Variants in CARMIL3 observed in about 807,000 individuals in gnomAD.
The protein encoded by CARMIL3 is capping protein regulator and myosin 1 linker 3.
A neutral mutation model predicts 180.8 loss-of-function variants in CARMIL3; 88 were observed. The ratio of observed to expected loss-of-function variants is 0.49; its 90% CI spans 0.41 to 0.58. The LOEUF (loss-of-function observed/expected upper bound fraction) is 0.58, where lower values mean the gene tolerates loss of function less well. CARMIL3 is among the 20% of genes least tolerant of loss of function. CARMIL3 has a pLI of 0.00. For missense variants in CARMIL3, 1,548 were observed against 1,787.0 expected, an observed-to-expected ratio of 0.87 and a Z score of 2.41; for synonymous variants, 696 against 714.5, an observed-to-expected ratio of 0.97 and a Z score of 0.41.
rs1393621703 is a variant in CARMIL3 at position 24,054,512 on chromosome 14, G to A, written c.362+1G>A. ...TGTCCAAGGTCTGCCCTGGCCCTGG[G>A]TGAGTGGCAAATAAGGGGTCTCTTA... On this transcript the variant is annotated splice_donor_variant, in intron 5 of 39. Coordinates refer to ENST00000342740, the MANE Select transcript of CARMIL3 (RefSeq NM_138360.4). LOFTEE classifies it high-confidence loss of function. The surrounding 1 kb of genome is among the most constrained non-coding windows in gnomAD (Gnocchi z 5.1). The A allele has an allele frequency of 1.2e-6, 2 of 1,608,392 alleles. No individual in the cohort carries two copies. Among genetic ancestry groups the A allele is most frequent in the Non-Finnish European group, 1.7e-6 (2 of 1,179,474 alleles).
At chr14:24,064,610 G>A (rs1337342430) in intron 32 of CARMIL3, among the ~76,000 whole-genome samples, 1 of 152,054 alleles carries the variant, frequency 6.6e-6, no homozygotes, top group Non-Finnish European at 1.5e-5. Flanking sequence ...GAGGGAGGTG[G>A]GGGGCAGCCC....
intron 36 of CARMIL3, 33 bp from the exon 37 acceptor site, chr14:24,068,551 T>G (rs775366396): frequency 6.4e-7 from 1 of 1,561,592 alleles, no homozygotes; most frequent in Non-Finnish European, 8.7e-7. Context: ...AAGAATGCCT[T>G]TTCCTGCAGC....
rs1398481155 is a variant in CARMIL3, at chr14:24,057,826, C to T, written c.1164C>T (p.Gly388=). The T allele has an allele frequency of 1.2e-6, 2 of 1,611,078 alleles. No homozygotes were observed. Among genetic ancestry groups the T allele is most frequent in the Middle Eastern group, 1.7e-4 (1 of 5,730 alleles). The part of the protein sequence containing the change: ...IDLLLGALLH[G]CCSHLTYLNL... ...AGCTTCTCGGTGCCCTGCTCCACGG[C>T]TGCTGCTCCCACCTCACCTACCTCA... Residue 388 remains glycine, a synonymous_variant, in exon 15 of 40, where the codon GGC becomes GGT. Coordinates refer to ENST00000342740, the MANE Select transcript of CARMIL3 (RefSeq NM_138360.4).
chr14:24,059,472 G>A lies in CARMIL3; in HGVS notation c.1799+30G>A. 1 of 1,551,334 alleles carries A rather than the reference G, an allele frequency of 6.4e-7. No individual in the cohort carries two copies. On this transcript the variant is annotated intron_variant, in intron 21 of 39. Transcript: ENST00000342740. This position sits in a 1 kb window ranked among gnomAD's most constrained non-coding sequence, Gnocchi z 6.3. ...GGCCCACACCGGGACCCCCTGACCT[G>A]GAGCCCCAGCCCCTCCCCATATGTA... is the stretch of plus-strand genomic sequence containing the variant.
In CARMIL3 at chr14:24,058,814, G is replaced by A. The variant is rs1315567323; in HGVS notation, c.1474+53G>A. On this transcript the variant is annotated intron_variant, in intron 18 of 39. Coordinates refer to ENST00000342740, the MANE Select transcript of CARMIL3 (RefSeq NM_138360.4). The surrounding 1 kb of genome is among the most constrained non-coding windows in gnomAD (Gnocchi z 6.4). Reference sequence around the variant, plus strand: ...GGCCAGGGGAGAACAGGGGCCTGGAGCATGCAGAAGCAGCCCTGATGGGAC... The same window carrying A: ...GGCCAGGGGAGAACAGGGGCCTGGAACATGCAGAAGCAGCCCTGATGGGAC... The A allele has an allele frequency of 3.1e-6, 5 of 1,612,384 alleles. No homozygotes were observed. The highest frequency in any genetic ancestry group is 3.4e-6 in the Non-Finnish European group (4 of 1,178,518).
At chr14:24,064,937 A>G in intron 32 of CARMIL3, 21 bp from the exon 33 acceptor site, 1 of 1,605,286 alleles carries the variant, frequency 6.2e-7, no homozygotes, top group Non-Finnish European at 8.5e-7. Context: ...TTTGTTGCTA[A>G]CTTACCCCGA....
intron 36 of CARMIL3, among the ~76,000 whole-genome samples, chr14:24,067,870 C>G (rs2035803274): frequency 6.6e-6 from 1 of 152,270 alleles, no homozygotes; most frequent in Non-Finnish European, 1.5e-5. Flanking sequence ...CCATCTAAAT[C>G]AGACTTTCAG....
At position 24,053,704 on chromosome 14, in the gene CARMIL3, C is replaced by A. The variant is rs75299776; in HGVS notation, c.41-5C>A. The A allele has an allele frequency of 3.7e-6, 6 of 1,605,844 alleles. No individual in the cohort carries two copies. Among genetic ancestry groups the A allele is most frequent in the Non-Finnish European group, 4.3e-6 (5 of 1,175,508 alleles). On this transcript the variant is annotated splice_region_variant and splice_polypyrimidine_tract_variant and intron_variant, in intron 1 of 39. Transcript: ENST00000342740. ...AGCTCTGAGCAGGCTCCCACCCCCC[C>A]TCAGACAGCATCCGGAGGTGCCTGA...
In CARMIL3 at chr14:24,059,389, G is replaced by A; in HGVS notation, c.1746G>A (p.Glu582=). The part of the protein sequence containing the change: ...AKVDLSGNGM[E]DIGAKMLSKA... The stretch of plus-strand genomic sequence containing the variant: ...TGGATCTGAGCGGCAATGGCATGGA[G>A]GACATCGGGGCCAAGATGCTGTCTA... Residue 582 remains glutamate, a synonymous_variant, in exon 21 of 40, where the codon GAG becomes GAA. Coordinates refer to ENST00000342740, the MANE Select transcript of CARMIL3 (RefSeq NM_138360.4). The surrounding 1 kb of genome is among the most constrained non-coding windows in gnomAD (Gnocchi z 6.3). The A allele has an allele frequency of 6.2e-7, 1 of 1,609,122 alleles. No individual in the cohort carries two copies. Among genetic ancestry groups the A allele is most frequent in the Non-Finnish European group, 8.5e-7 (1 of 1,177,792 alleles).
At chr14:24,065,780 G>A in intron 34 of CARMIL3, 30 bp downstream of exon 34, 1 of 1,611,230 alleles carries the variant, frequency 6.2e-7, no homozygotes, top group Non-Finnish European at 8.5e-7. Context: ...ACAAACTGTG[G>A]GTCCTGAGGG....
At chr14:24,060,495 A>T (rs574739906) in intron 24 of CARMIL3, 133 bp from the exon 25 acceptor site, 17 of 1,374,708 alleles carry the variant, frequency 1.2e-5, no homozygotes, top group Non-Finnish European at 1.6e-5. Flanking sequence ...GGCTGTAGCA[A>T]TGGGGACCAG....
chr14:24,065,853 A>G, intron 34 of CARMIL3, 103 bp downstream of exon 34: 1 of 1,486,226 alleles, frequency 6.7e-7, no homozygotes, highest in South Asian at 1.3e-5. Context: ...GAGAAAGCAG[A>G]TGCTTTGGCA....
Position 24,054,818 on chromosome 14 carries a change from G to C in CARMIL3, c.460+10G>C. 1 of 1,611,490 alleles carries C rather than the reference G, an allele frequency of 6.2e-7. No homozygotes were observed. Among genetic ancestry groups the C allele is most frequent in the South Asian group, 1.1e-5 (1 of 90,916 alleles). On this transcript the variant is annotated intron_variant, in intron 6 of 39. Transcript: ENST00000342740. The surrounding 1 kb of genome is among the most constrained non-coding windows in gnomAD (Gnocchi z 5.1). ...ACCCACAGTGTCTGCGGTGAGCAGG[G>C]GCAGATGTGAGGAAAGTAGGCGCTC... is the stretch of plus-strand genomic sequence containing the variant.
chr14:24,069,500 T>A lies in CARMIL3; in HGVS notation c.*96T>A. 2 of 1,529,798 alleles carry A rather than the reference T, an allele frequency of 1.3e-6. No individual in the cohort carries two copies. Among genetic ancestry groups the A allele is most frequent in the Non-Finnish European group, 1.8e-6 (2 of 1,116,184 alleles). 94.8% of individuals were successfully genotyped at this position (1,529,798 alleles called of 1,614,324 possible). On this transcript the variant is annotated 3_prime_UTR_variant, in exon 40 of 40. Transcript: ENST00000342740. ...GTCCCCAGGGCCCCCTGCCAGCCCC[T>A]GTCCTACAGGGGCAAGACGGCAGGA...
At chr14:24,055,348 C>T in intron 8 of CARMIL3, 38 bp downstream of exon 8, 1 of 1,608,510 alleles carries the variant, frequency 6.2e-7, no homozygotes, top group South Asian at 1.1e-5. Flanking sequence ...CTCAAATTCC[C>T]AAATTCAGCC....
At chr14:24,053,620 C>T (rs7160909) in intron 1 of CARMIL3, 89 bp from the exon 2 acceptor site, 22,830 of 938,234 alleles carry the variant, frequency 0.024, 1,056 homozygotes, top group African/African-American at 0.17. Flanking sequence ...TCCCATTTGA[C>T]CCTGACCCTG....
Position 24,062,775 on chromosome 14 carries a change from C to T in CARMIL3, c.2635C>T (p.Leu879=). 1 of 1,613,902 alleles carries T rather than the reference C, an allele frequency of 6.2e-7. No individual in the cohort carries two copies. The highest frequency in any genetic ancestry group is 8.5e-7 in the Non-Finnish European group (1 of 1,179,890). The part of the protein sequence containing the change: ...PPGCPGQGQD[L]SSRGRGRNHD... ...AGGGTGCCCAGGCCAAGGGCAGGAT[C>T]TGTCCTCCCGGGGCCGAGGCCGGAA... Residue 879 remains leucine (L), a synonymous_variant, in exon 29 of 40, where the codon CTG becomes TTG. Transcript: ENST00000342740.
intron 36 of CARMIL3, among the ~76,000 whole-genome samples, chr14:24,066,916 G>C (rs904513440): frequency 6.6e-6 from 1 of 152,246 alleles, no homozygotes; most frequent in Non-Finnish European, 1.5e-5. Flanking sequence ...TGGCTCTGGC[G>C]AATTCTCCAG....
intron 2 of CARMIL3, 127 bp from the exon 3 acceptor site, chr14:24,053,961 C>T: frequency 8.1e-7 from 1 of 1,228,338 alleles, no homozygotes; most frequent in Non-Finnish European, 1.1e-6. Flanking sequence ...TGTTGATGTC[C>T]AGAAGTCTAG....
Sources: gnomAD v4.1 joint callset for allele counts (sites outside exome capture counted in the v4.1 genomes callset) on GRCh38, gnomAD v4.1.1 for gene constraint, Gnocchi (gnomAD v3.1) non-coding constraint, MANE v1.5 for transcripts, NCBI Gene and HGNC (gene_info 2026-07-23, HGNC 2026-07-21) for gene names.